The following UNC5D variants were observed in gnomAD, a reference collection of about 807,000 sequenced individuals.
The protein encoded by UNC5D is unc-5 netrin receptor D.
UNC5D carries 39 observed loss-of-function variants against 105.4 expected under a neutral mutation model. The observed-to-expected ratio is 0.37, with a 90% CI of 0.29 to 0.48. The LOEUF (loss-of-function observed/expected upper bound fraction) is 0.48, where lower values mean the gene tolerates loss of function less well. UNC5D is among the 20% of genes least tolerant of loss of function. The probability of loss-of-function intolerance (pLI) is 0.98; values close to 1 mark genes in which losing one functional copy is unlikely to be tolerated. For synonymous variants in UNC5D, 452 were observed against 450.4 expected (o/e 1.00, Z -0.04); for missense variants, 991 against 1,202.4 (o/e 0.82, Z 2.60).
intron 4 of UNC5D, among the ~76,000 whole-genome samples, chr8:35,662,255 G>C (rs977312982): frequency 6.6e-6 from 1 of 150,740 alleles, no homozygotes; most frequent in Non-Finnish European, 1.5e-5. Context: ...TCTGTGATAA[G>C]ACATGGTCTG....
At chr8:35,240,081 A>G (rs1802709478) in intron 1 of UNC5D, among the ~76,000 whole-genome samples, 1 of 151,954 alleles carries the variant, frequency 6.6e-6, no homozygotes, top group Non-Finnish European at 1.5e-5. Flanking sequence ...GACTGTAGGC[A>G]TGCATCATCA....
rs187804237 is a variant in UNC5D at position 35,300,418 on chromosome 8, G to A, written c.103+64531G>A. 9.1e-3 allele frequency among the ~76,000 whole-genome samples: 1,063 copies of A among 116,182 alleles called. 13 individuals carry two copies. Among genetic ancestry groups the A allele is most frequent in the Admixed American group, 0.015 (129 of 8,560 alleles). The allele number at this position is 116,182 out of a possible 152,430, so 76.2% of individuals were successfully genotyped here. On this transcript the variant is annotated intron_variant, in intron 1 of 16. Coordinates refer to ENST00000404895, the MANE Select transcript of UNC5D (RefSeq NM_080872.4). ...GCTGAGATTGTGCCACTGCACTCCA[G>A]CCTGGGCAACAGAGAGAGACTCCCT... is the stretch of plus-strand genomic sequence containing the variant.
chr8:35,415,656 C>G (rs983904333), intron 1 of UNC5D, among the ~76,000 whole-genome samples: 1 of 152,090 alleles, frequency 6.6e-6, no homozygotes, highest in East Asian at 1.9e-4. Flanking sequence ...CAGGCAGCTA[C>G]TTTGAATTTC....
At chr8:35,329,314 A>G (rs1810418934) in intron 1 of UNC5D, among the ~76,000 whole-genome samples, 1 of 151,856 alleles carries the variant, frequency 6.6e-6, no homozygotes, top group African/African-American at 2.4e-5. Context: ...AAGATTACAT[A>G]TTTCTGATTT....
chr8:35,378,528 C>T (rs1426202530), intron 1 of UNC5D, among the ~76,000 whole-genome samples: 1 of 152,164 alleles, frequency 6.6e-6, no homozygotes, highest in Non-Finnish European at 1.5e-5. Flanking sequence ...CCCTGCCCTA[C>T]CCTGTGGGTT....
At chr8:35,447,178 T>C (rs575903122) in intron 1 of UNC5D, among the ~76,000 whole-genome samples, 192 of 152,236 alleles carry the variant, frequency 1.3e-3, no homozygotes, top group Middle Eastern at 6.8e-3. Flanking sequence ...TTGGCTAAAC[T>C]CACTTAGCAA....
Position 35,599,068 on chromosome 8 carries a change from G to A in UNC5D, c.570+3411G>A, listed in dbSNP as rs138510787. 3.3e-3 allele frequency among the ~76,000 whole-genome samples: 499 copies of A among 149,662 alleles called. 18 individuals are homozygous for A. The East Asian group carries it at 0.081, about 24-fold the overall frequency. On this transcript the variant is annotated intron_variant, in intron 4 of 16. Transcript: ENST00000404895. ...TGAGGCAGGAGAATTGTTTGAACCC[G>A]GGAGGTAGAGGTTGCAGTGAGCCAG...
At chr8:35,566,273 A>G (rs1328227367) in intron 2 of UNC5D, among the ~76,000 whole-genome samples, 3 of 152,158 alleles carry the variant, frequency 2.0e-5, no homozygotes. Flanking sequence ...ATAACACGTT[A>G]TTAATTGAGT....
intron 4 of UNC5D, among the ~76,000 whole-genome samples, chr8:35,647,788 C>T (rs189303243): frequency 6.6e-6 from 1 of 152,236 alleles, no homozygotes; most frequent in East Asian, 1.9e-4. Flanking sequence ...TGGTTTTGGG[C>T]TTCTTTTATC....
At chr8:35,546,137 T>C (rs545737817) in intron 1 of UNC5D, among the ~76,000 whole-genome samples, 1 of 152,286 alleles carries the variant, frequency 6.6e-6, no homozygotes, top group South Asian at 2.1e-4. Context: ...GCTCAAGTGA[T>C]CCTCTCGCCT....
chr8:35,442,920 A>T (rs1807525831), intron 1 of UNC5D, among the ~76,000 whole-genome samples: 2 of 151,008 alleles, frequency 1.3e-5, no homozygotes, highest in African/African-American at 2.4e-5. Flanking sequence ...ACACACACAC[A>T]CACACACACA....
At chr8:35,435,351 T>C (rs1806936714) in intron 1 of UNC5D, among the ~76,000 whole-genome samples, 1 of 152,088 alleles carries the variant, frequency 6.6e-6, no homozygotes, top group Non-Finnish European at 1.5e-5. Context: ...TAGCAAAACA[T>C]TCTCTGTCTT....
chr8:35,605,246 T>G (rs1156524371), intron 4 of UNC5D, among the ~76,000 whole-genome samples: 3 of 152,208 alleles, frequency 2.0e-5, no homozygotes, highest in Non-Finnish European at 4.4e-5. Context: ...TTCTGTTTGT[T>G]AGTTTTCCTT....
At chr8:35,617,550 A>G (rs1821106047) in intron 4 of UNC5D, among the ~76,000 whole-genome samples, 1 of 152,162 alleles carries the variant, frequency 6.6e-6, no homozygotes, top group Admixed American at 6.5e-5. Flanking sequence ...CGGAGCTGTG[A>G]TCTTCCCTCA....
At chr8:35,522,698 T>A (rs1813574078) in intron 1 of UNC5D, among the ~76,000 whole-genome samples, 1 of 152,218 alleles carries the variant, frequency 6.6e-6, no homozygotes. Context: ...ATTATAAGTA[T>A]CTAAGAAGAT....
At chr8:35,419,817 A>G (rs1805773207) in intron 1 of UNC5D, among the ~76,000 whole-genome samples, 1 of 152,170 alleles carries the variant, frequency 6.6e-6, no homozygotes, top group Non-Finnish European at 1.5e-5. Context: ...TCCTGTGTCC[A>G]AGAAGAATGA....
chr8:35,290,676 C>T (rs567416184), intron 1 of UNC5D, among the ~76,000 whole-genome samples: 9 of 152,130 alleles, frequency 5.9e-5, no homozygotes, highest in Non-Finnish European at 1.0e-4. Context: ...AGGCCAGGCG[C>T]GGTGGTTCAT....
intron 1 of UNC5D, among the ~76,000 whole-genome samples, chr8:35,313,968 T>C (rs1294488335): frequency 1.3e-5 from 2 of 152,284 alleles, no homozygotes; most frequent in African/African-American, 2.4e-5. Flanking sequence ...TTATGCTTCA[T>C]TGAGCGCAAG....
chr8:35,633,437 AT>A (rs202167016), intron 4 of UNC5D, among the ~76,000 whole-genome samples: 2 of 151,410 alleles, frequency 1.3e-5, no homozygotes, highest in Admixed American at 6.6e-5. Flanking sequence ...TTTATGTGAG[AT>A]TTTTTTTTAA....
Sources: gnomAD v4.1 joint callset for allele counts (sites outside exome capture counted in the v4.1 genomes callset) on GRCh38, gnomAD v4.1.1 for gene constraint, MANE v1.5 for transcripts, NCBI Gene and HGNC (gene_info 2026-07-23, HGNC 2026-07-21) for gene names.